Variants in NLRC5 observed in about 807,000 individuals in gnomAD.
The protein encoded by NLRC5 is protein NLRC5.
A neutral mutation model predicts 206.9 loss-of-function variants in NLRC5; 114 were observed. The observed-to-expected ratio is 0.55, with a 90% CI of 0.47 to 0.64. The LOEUF is 0.64. Among genes scored for constraint, NLRC5 ranks in the 30% least tolerant of loss-of-function variants. The pLI, the probability that NLRC5 is intolerant of heterozygous loss-of-function variation, is 0.00. For missense variants in NLRC5, 2,008 were observed against 2,305.5 expected (o/e 0.87, Z 2.64); for synonymous variants, 952 against 962.8 (o/e 0.99, Z 0.21).
rs539415958 is a variant in NLRC5 at position 57,003,487 on chromosome 16, C to A, written c.-127-13587C>A. On this transcript the variant is annotated intron_variant, in intron 1 of 48. Coordinates refer to ENST00000688547, the MANE Select transcript of NLRC5 (RefSeq NM_001384950.1). ...AGAGCTCCCCCAACCCCATCTCTGC[C>A]CGGATGCCCCCACTCACTGTGGGTG... Among the ~76,000 whole-genome samples, 15 of 152,284 alleles carry A rather than the reference C, an allele frequency of 9.9e-5. 1 individual carries two copies. In the South Asian group the frequency reaches 3.1e-3, roughly 32 times the overall value.
intron 3 of NLRC5, 145 bp from the exon 4 acceptor site, chr16:57,022,111 C>T: frequency 1.6e-6 from 1 of 608,460 alleles, no homozygotes; most frequent in Non-Finnish European, 2.9e-6. Context: ...ATTTTCTCCA[C>T]AACAGATAAC....
chr16:57,019,586 G>T (rs1268800809), intron 2 of NLRC5, among the ~76,000 whole-genome samples: 1 of 152,186 alleles, frequency 6.6e-6, no homozygotes, highest in Admixed American at 6.5e-5. Context: ...GGGCAGATGG[G>T]CAGCTTTACC....
intron 1 of NLRC5, among the ~76,000 whole-genome samples, chr16:56,989,919 C>T (rs2056600917): frequency 1.3e-5 from 2 of 152,184 alleles, no homozygotes; most frequent in South Asian, 4.1e-4. Flanking sequence ...TGCTCCCCTC[C>T]CTGCGCAGCT....
Position 57,061,440 on chromosome 16 carries a change from G to T in NLRC5, c.3987-8G>T. ...CACCCAGGCTCTGCCCTGGCTTTCTGCCCTCAGGCTAAGTGAGTGCAGCTT... is the reference window on the plus strand; with the variant it reads ...CACCCAGGCTCTGCCCTGGCTTTCTTCCCTCAGGCTAAGTGAGTGCAGCTT... On this transcript the variant is annotated splice_polypyrimidine_tract_variant and splice_region_variant and intron_variant, in intron 30 of 48. Coordinates refer to ENST00000688547, the MANE Select transcript of NLRC5 (RefSeq NM_001384950.1). 6.2e-7 allele frequency: 1 copy of T among 1,610,442 alleles called. No individual in the cohort carries two copies. The highest frequency in any genetic ancestry group is 1.1e-5 in the South Asian group (1 of 91,062).
At chr16:57,050,690 G>A (rs2064772728) in intron 23 of NLRC5, among the ~76,000 whole-genome samples, 1 of 152,162 alleles carries the variant, frequency 6.6e-6, no homozygotes, top group Admixed American at 6.5e-5. Flanking sequence ...TCTCCTAAAT[G>A]CACTGGGTTC....
chr16:57,013,333 C>CATAG (rs59919179), intron 1 of NLRC5: 613,754 of 629,422 alleles, frequency 0.98, 300,863 homozygotes, highest in East Asian at 1. Flanking sequence ...TAAAACCTCT[C>CATAG]ATAGATTTTA....
chr16:57,011,062 T>C (rs181364875), intron 1 of NLRC5, among the ~76,000 whole-genome samples: 4 of 152,330 alleles, frequency 2.6e-5, no homozygotes, highest in Admixed American at 2.0e-4. Flanking sequence ...AGAGTTGGTC[T>C]CTATGTATGC....
At chr16:57,038,742 C>A (rs2062910397) in intron 15 of NLRC5, among the ~76,000 whole-genome samples, 2 of 151,850 alleles carry the variant, frequency 1.3e-5, no homozygotes, top group South Asian at 2.1e-4. Flanking sequence ...CAAGACCAGC[C>A]TGGCCAATAG....
rs774836225 is a variant in NLRC5, at chr16:57,082,720, G to A, written c.*192G>A. On this transcript the variant is annotated 3_prime_UTR_variant, in exon 49 of 49. Coordinates refer to ENST00000688547, the MANE Select transcript of NLRC5 (RefSeq NM_001384950.1). ...TTTTGGGAACCAGGAGCTGGGTCTG[G>A]ACAAAGGAGTACCCTGCATTACGTG... The A allele has an allele frequency of 4.4e-4, 245 of 554,456 alleles. 1 individual carries two copies. Among genetic ancestry groups the A allele is most frequent in the Non-Finnish European group, 6.8e-4 (212 of 311,998 alleles). 34.3% of individuals were successfully genotyped at this position (554,456 alleles called of 1,614,324 possible). A position where few individuals can be genotyped will look rare whatever the true frequency, so the allele number is the denominator to read the frequency against.
At chr16:57,042,743 C>T (rs2143744303) in intron 19 of NLRC5, among the ~76,000 whole-genome samples, 1 of 152,308 alleles carries the variant, frequency 6.6e-6, no homozygotes, top group African/African-American at 2.4e-5. Flanking sequence ...CTCTCCGAGT[C>T]CCTGGTTCCC....
At chr16:57,035,679 A>T (rs758732614) in intron 13 of NLRC5, among the ~76,000 whole-genome samples, 4 of 152,238 alleles carry the variant, frequency 2.6e-5, no homozygotes, top group Non-Finnish European at 4.4e-5. Flanking sequence ...ACTAGGTCAG[A>T]TGCCCCCATA....
chr16:57,080,553 C>T (rs187322719), intron 46 of NLRC5, among the ~76,000 whole-genome samples: 1,503 of 139,930 alleles, frequency 0.011, 30 homozygotes, highest in African/African-American at 0.033. Flanking sequence ...GGTGCAATCT[C>T]GGCTCACTGC....
chr16:57,045,076 G>T (rs1433726446), intron 20 of NLRC5, among the ~76,000 whole-genome samples: 1 of 152,000 alleles, frequency 6.6e-6, no homozygotes, highest in South Asian at 2.1e-4. Context: ...ATGGTGGGGC[G>T]TTCCTGTAGT....
chr16:57,015,925 C>CAAAAAAAAAAAAAAAAAAA (rs35216159), intron 1 of NLRC5, among the ~76,000 whole-genome samples: 1 of 39,664 alleles, frequency 2.5e-5, no homozygotes, highest in Non-Finnish European at 4.8e-5. Context: ...AACTCCATCT[C>CAAAAAAAAAAAAAAAAAAA]AAAAAAAAAA....
chr16:57,079,008 G>A (rs750747571), intron 43 of NLRC5, 42 bp from the exon 44 acceptor site: 16 of 1,573,368 alleles, frequency 1.0e-5, no homozygotes, highest in South Asian at 6.7e-5. Context: ...CTCTGGAAAC[G>A]CCAGTCCCTC....
At chr16:57,059,387 C>G (rs2066112954) in intron 29 of NLRC5, 80 bp from the exon 30 acceptor site, 5 of 1,544,110 alleles carry the variant, frequency 3.2e-6, no homozygotes, top group Non-Finnish European at 4.4e-6. Context: ...GCTTCCCTCT[C>G]TGTGCCCTGT....
chr16:57,021,175 A>C, intron 3 of NLRC5, 168 bp downstream of exon 3: 3 of 617,332 alleles, frequency 4.9e-6, no homozygotes, highest in Non-Finnish European at 5.6e-6. Flanking sequence ...ATGCGCCCAA[A>C]TCTGCTGGGG....
At chr16:57,053,526 TTTTC>T (rs1180711690) in intron 24 of NLRC5, among the ~76,000 whole-genome samples, 5 of 151,858 alleles carry the variant, frequency 3.3e-5, no homozygotes, top group African/African-American at 7.3e-5. Flanking sequence ...ATAATTTGGG[TTTTC>T]TTTCTTTCTT....
At chr16:57,042,168 A>T (rs2063363487) in intron 19 of NLRC5, 103 bp downstream of exon 19, 1 of 667,196 alleles carries the variant, frequency 1.5e-6, no homozygotes, top group African/African-American at 1.9e-5. Flanking sequence ...TTAAATCGGA[A>T]AATGCATGAA....
Sources: gnomAD v4.1 joint callset for allele counts (sites outside exome capture counted in the v4.1 genomes callset) on GRCh38, gnomAD v4.1.1 for gene constraint, MANE v1.5 for transcripts, NCBI Gene and HGNC (gene_info 2026-07-23, HGNC 2026-07-21) for gene names.